Variants in SCD5 observed in about 807,000 individuals in gnomAD.
SCD5 encodes the protein acyl-CoA-desaturase 4.
Under a neutral mutation model 30.4 loss-of-function variants are expected in SCD5, and 20 were observed. The ratio of observed to expected loss-of-function variants is 0.66; its 90% confidence interval spans 0.46 to 0.96. The LOEUF (loss-of-function observed/expected upper bound fraction) is 0.96, where lower values mean the gene tolerates loss of function less well. Among genes scored for constraint, SCD5 ranks in the 40% least tolerant of loss-of-function variants. The pLI, the probability that SCD5 is intolerant of heterozygous loss-of-function variation, is 0.00. For synonymous variants in SCD5, 173 were observed against 176.4 expected, an observed-to-expected ratio of 0.98 and a Z score of 0.16; for missense variants, 381 against 443.3, an observed-to-expected ratio of 0.86 and a Z score of 1.26.
Position 82,798,651 on chromosome 4 carries a change from T to C in SCD5, c.-114A>G. 14 of 847,264 alleles carry C rather than the reference T, an allele frequency of 1.7e-5. No homozygotes were observed. The highest frequency in any genetic ancestry group is 2.5e-5 in the Non-Finnish European group (14 of 563,822). 52.5% of individuals were successfully genotyped at this position (847,264 alleles called of 1,614,324 possible). On this transcript the variant is annotated 5_prime_UTR_variant, in exon 1 of 5. Coordinates refer to ENST00000319540, the MANE Select transcript of SCD5 (RefSeq NM_001037582.3). ...CTTTTAGGGGGGAATTCTCCGCACG[T>C]CCAGTCCCCTCCTTCCAGCCCTTCT... is the stretch of plus-strand genomic sequence containing the variant.
chr4:82,630,508 T>G lies in SCD5; in HGVS notation c.*819A>C, dbSNP rs1416277156. 1 of 152,252 alleles carries G rather than the reference T, an allele frequency of 6.6e-6. No individual in the cohort carries two copies. The highest frequency in any genetic ancestry group is 1.5e-5 in the Non-Finnish European group (1 of 68,046). The allele number at this position is 152,252 out of a possible 1,614,324, so 9.4% of individuals were successfully genotyped here. On this transcript the variant is annotated 3_prime_UTR_variant, in exon 5 of 5. Transcript: ENST00000319540. The stretch of plus-strand genomic sequence containing the variant: ...GTAGAAAAGAAAACAAATGCTCTCC[T>G]GAACTACACTGAAAGAATATTACTT...
intron 1 of SCD5, among the ~76,000 whole-genome samples, chr4:82,784,323 C>A (rs980285340): frequency 3.9e-5 from 6 of 152,138 alleles, no homozygotes; most frequent in Non-Finnish European, 8.8e-5. Flanking sequence ...AGCCCGAGAA[C>A]CTAGACACAA....
At chr4:82,744,964 A>G (rs1720951285) in intron 1 of SCD5, among the ~76,000 whole-genome samples, 1 of 152,146 alleles carries the variant, frequency 6.6e-6, no homozygotes, top group Admixed American at 6.6e-5. Context: ...TTCTGTAGAA[A>G]GATACGTGAG....
chr4:82,701,057 G>A (rs1387475899), intron 2 of SCD5, among the ~76,000 whole-genome samples: 5 of 152,110 alleles, frequency 3.3e-5, no homozygotes, highest in Admixed American at 6.5e-5. Flanking sequence ...TTATGGATAC[G>A]TAAAATGAAT....
intron 3 of SCD5, among the ~76,000 whole-genome samples, chr4:82,669,409 GA>G (rs1034744789): frequency 1.3e-5 from 2 of 151,952 alleles, no homozygotes; most frequent in African/African-American, 4.8e-5. Context: ...TGAACAAACT[GA>G]AAAAAAGTCA....
intron 1 of SCD5, among the ~76,000 whole-genome samples, chr4:82,750,139 C>T (rs540355965): frequency 5.9e-5 from 9 of 152,320 alleles, no homozygotes; most frequent in Admixed American, 2.0e-4. Flanking sequence ...ATGGATCGCA[C>T]ACAGTCTGCC....
Position 82,771,678 on chromosome 4 carries a change from G to A in SCD5, c.232+26628C>T, listed in dbSNP as rs564586688. Among the ~76,000 whole-genome samples the A allele has an allele frequency of 3.9e-5, 6 of 152,252 alleles. No homozygotes were observed. The South Asian group carries it at 8.3e-4, about 21-fold the overall frequency. Reference sequence around the variant, plus strand: ...TGGTCCCATGCCTGCCTCTCCACCTGCCTCCTGAATCCCTTCATTAACCCT... The same window carrying A: ...TGGTCCCATGCCTGCCTCTCCACCTACCTCCTGAATCCCTTCATTAACCCT... On this transcript the variant is annotated intron_variant, in intron 1 of 4. Transcript: ENST00000319540.
chr4:82,741,533 C>G (rs1720872852), intron 1 of SCD5, among the ~76,000 whole-genome samples: 1 of 152,186 alleles, frequency 6.6e-6, no homozygotes, highest in African/African-American at 2.4e-5. Flanking sequence ...AGCAGAGGAA[C>G]TGACCAGCCA....
intron 2 of SCD5, among the ~76,000 whole-genome samples, chr4:82,695,612 C>G (rs753265576): frequency 6.6e-6 from 1 of 152,062 alleles, no homozygotes; most frequent in East Asian, 1.9e-4. Flanking sequence ...GCTGAGTTTG[C>G]GAAGCCTAAG....
chr4:82,730,735 A>G (rs34410701), intron 1 of SCD5, among the ~76,000 whole-genome samples: 19,870 of 149,700 alleles, frequency 0.13, 2,053 homozygotes, highest in African/African-American at 0.29. Context: ...ACAGGCACCC[A>G]CCACCACGCC....
At chr4:82,646,031 G>C (rs753349265) in intron 3 of SCD5, among the ~76,000 whole-genome samples, 16 of 152,172 alleles carry the variant, frequency 1.1e-4, no homozygotes, top group Admixed American at 8.5e-4. Context: ...AGCATGAAGG[G>C]GGGGAAATGA....
chr4:82,704,700 C>A (rs540790366), intron 2 of SCD5, among the ~76,000 whole-genome samples: 2 of 151,908 alleles, frequency 1.3e-5, no homozygotes, highest in Non-Finnish European at 2.9e-5. Flanking sequence ...AAAATCCCTG[C>A]GTCTTCAAAC....
rs146458305 is a variant in SCD5, at chr4:82,668,344, T to G, written c.569+12363A>C. Among the ~76,000 whole-genome samples the G allele has an allele frequency of 1.8e-3, 272 of 152,194 alleles. 1 individual carries two copies. The highest frequency in any genetic ancestry group is 3.4e-3 in the Middle Eastern group (1 of 294). On this transcript the variant is annotated intron_variant, in intron 3 of 4. Transcript: ENST00000319540. ...TTGAATGGGGAGGAGCAAAGGTGTCTGTAGAGAGAGGGGCCCAGTCAGGCA... is the reference window on the plus strand; with the variant it reads ...TTGAATGGGGAGGAGCAAAGGTGTCGGTAGAGAGAGGGGCCCAGTCAGGCA...
chr4:82,632,971 C>A (rs371863889), intron 4 of SCD5, among the ~76,000 whole-genome samples: 1 of 152,174 alleles, frequency 6.6e-6, no homozygotes, highest in Admixed American at 6.5e-5. Context: ...CATTACCTCA[C>A]ACACTTATGT....
intron 3 of SCD5, chr4:82,660,759 C>T: frequency 3.2e-6 from 5 of 1,540,528 alleles, no homozygotes; most frequent in Non-Finnish European, 4.4e-6. Flanking sequence ...AATGTTAGCA[C>T]AGACTGCAGC....
At chr4:82,663,376 G>A (rs932792273) in intron 3 of SCD5, among the ~76,000 whole-genome samples, 2 of 152,100 alleles carry the variant, frequency 1.3e-5, no homozygotes, top group African/African-American at 4.8e-5. Context: ...TTTTCTTTAG[G>A]GCCCCTAACT....
intron 1 of SCD5, among the ~76,000 whole-genome samples, chr4:82,756,920 T>C (rs969420703): frequency 7.2e-5 from 11 of 152,082 alleles, no homozygotes; most frequent in Admixed American, 3.3e-4. Flanking sequence ...GGCTGGAGTG[T>C]TGTGGCGCAA....
At chr4:82,798,095 GGC>G (rs1722268304) in intron 1 of SCD5, among the ~76,000 whole-genome samples, 1 of 150,686 alleles carries the variant, frequency 6.6e-6, no homozygotes, top group Admixed American at 6.6e-5. Context: ...GCGGGGGGGG[GGC>G]GGAAGTTGAA....
At chr4:82,763,857 C>T (rs938108115) in intron 1 of SCD5, among the ~76,000 whole-genome samples, 5 of 152,198 alleles carry the variant, frequency 3.3e-5, no homozygotes, top group Non-Finnish European at 7.3e-5. Context: ...TCCTCAGCTG[C>T]CCCCAGCAGC....
Sources: allele counts gnomAD v4.1 joint callset (sites outside exome capture counted in the v4.1 genomes callset), GRCh38; gene constraint gnomAD v4.1.1; transcripts MANE v1.5; gene names NCBI Gene and HGNC (gene_info 2026-07-23, HGNC 2026-07-21).